The following ARHGAP6 variants were observed in gnomAD, a reference collection of about 807,000 sequenced individuals.
The protein encoded by ARHGAP6 is rho GTPase-activating protein 6.
ARHGAP6 carries 16 observed loss-of-function variants against 55.7 expected under a neutral mutation model. The observed-to-expected ratio is 0.29, with a 90% CI of 0.19 to 0.44. The LOEUF (loss-of-function observed/expected upper bound fraction) is 0.44. ARHGAP6 is among the 20% of genes least tolerant of loss of function. The probability of loss-of-function intolerance (pLI) is 1.00; values close to 1 mark genes in which losing one functional copy is unlikely to be tolerated. For synonymous variants in ARHGAP6, 382 were observed against 360.9 expected (o/e 1.06, Z -0.66); for missense variants, 698 against 808.9 (o/e 0.86, Z 1.66).
chrX:11,141,753 G>A (rs993934688), intron 12 of ARHGAP6, among the ~76,000 whole-genome samples: 5 of 112,025 alleles, frequency 4.5e-5, no homozygotes, highest in Non-Finnish European at 7.5e-5. Flanking sequence ...TATATTTGAC[G>A]CACTTCCCTG....
At chrX:11,480,579 T>C (rs2050446165) in intron 1 of ARHGAP6, among the ~76,000 whole-genome samples, 1 of 112,585 alleles carries the variant, frequency 8.9e-6, no homozygotes, top group Non-Finnish European at 1.9e-5. Context: ...CATTTAATTA[T>C]GCAGTTCAAA....
At chrX:11,373,642 T>G (rs2049170514) in intron 1 of ARHGAP6, among the ~76,000 whole-genome samples, 1 of 111,934 alleles carries the variant, frequency 8.9e-6, no homozygotes, top group African/African-American at 3.2e-5. Flanking sequence ...TAAGCAAAGG[T>G]CACATCTCAA....
intron 1 of ARHGAP6, among the ~76,000 whole-genome samples, chrX:11,594,356 T>C (rs1315939139): frequency 8.9e-6 from 1 of 112,281 alleles, no homozygotes; most frequent in East Asian, 2.8e-4. Context: ...CATTATATAA[T>C]AAATGCTATT....
chrX:11,263,984 A>C (rs1166936542), intron 1 of ARHGAP6, among the ~76,000 whole-genome samples: 1 of 111,073 alleles, frequency 9.0e-6, no homozygotes, highest in Non-Finnish European at 1.9e-5. Context: ...ATTCATTGTT[A>C]TTTTCTGTGG....
At position 11,156,532 on chromosome X, in the gene ARHGAP6, G is replaced by A; in HGVS notation, c.1904C>T (p.Ser635Leu). The A allele has an allele frequency of 8.3e-7, 1 of 1,202,576 alleles. No individual in the cohort carries two copies. Among genetic ancestry groups the A allele is most frequent in the South Asian group, 1.8e-5 (1 of 56,456 alleles). ...GATGGAACACTGGAATACTCACGATGATTGGGAAGCCTTTCTTCTGAGTAA... is the reference window on the plus strand; with the variant it reads ...GATGGAACACTGGAATACTCACGATAATTGGGAAGCCTTTCTTCTGAGTAA... ...DYLLRRKASQ[S>L]SSPDMLQSEV... is the part of the protein sequence containing the mutation. The change falls in exon 10 of 13, where the codon TCA becomes TTA. Residue 635 changes from serine to leucine, a missense_variant. Ser to Leu is a moderately radical substitution (Grantham distance 145, BLOSUM62 -2). Around this residue, in one of 3 missense-constraint regions of ARHGAP6, gnomAD observed 322 missense variants for 451.1 expected, o/e 0.71. Transcript: ENST00000337414.
chrX:11,206,078 G>A (rs966519689), intron 2 of ARHGAP6, among the ~76,000 whole-genome samples: 2 of 111,678 alleles, frequency 1.8e-5, no homozygotes, highest in Non-Finnish European at 3.8e-5. Flanking sequence ...CATGTCAAGG[G>A]GGAATCGTCC....
chrX:11,195,864 C>T (rs2046527996), intron 3 of ARHGAP6, among the ~76,000 whole-genome samples: 1 of 105,196 alleles, frequency 9.5e-6, no homozygotes, highest in African/African-American at 3.5e-5. Flanking sequence ...GCCTGTAATC[C>T]CAGCACTTTG....
At chrX:11,228,552 A>T (rs1285814052) in intron 2 of ARHGAP6, among the ~76,000 whole-genome samples, 1 of 111,905 alleles carries the variant, frequency 8.9e-6, no homozygotes, top group Non-Finnish European at 1.9e-5. Flanking sequence ...TTTGGTGAAG[A>T]AAGTGGTGAA....
rs73498726 is a variant in ARHGAP6, at chrX:11,376,571, C to A, written c.589-121864G>T. 6.4e-3 allele frequency among the ~76,000 whole-genome samples: 729 copies of A among 113,132 alleles called. 6 individuals carry two copies. The highest frequency in any genetic ancestry group is 0.022 in the African/African-American group (692 of 31,244). On this transcript the variant is annotated intron_variant, in intron 1 of 12. Coordinates refer to ENST00000337414, the MANE Select transcript of ARHGAP6 (RefSeq NM_013427.3). Reference sequence around the variant, plus strand: ...CACCTTGATTTTAGCCTAGTGAGATCTGTGTCAGAATTCTAGTCTACAGAA... The same window carrying A: ...CACCTTGATTTTAGCCTAGTGAGATATGTGTCAGAATTCTAGTCTACAGAA...
At chrX:11,226,141 C>CCTCCCCA (rs2047044722) in intron 2 of ARHGAP6, among the ~76,000 whole-genome samples, 1 of 93,733 alleles carries the variant, frequency 1.1e-5, no homozygotes. Context: ...CAATGCTATC[C>CCTCCCCA]CTCCCCCGAC....
chrX:11,417,597 G>A (rs1054339045), intron 1 of ARHGAP6, among the ~76,000 whole-genome samples: 1 of 111,680 alleles, frequency 9.0e-6, no homozygotes, highest in Non-Finnish European at 1.9e-5. Flanking sequence ...ACCATTGAGA[G>A]AAGCTAGATA....
intron 1 of ARHGAP6, among the ~76,000 whole-genome samples, chrX:11,423,348 C>T (rs761664393): frequency 3.5e-5 from 4 of 112,837 alleles, no homozygotes; most frequent in Non-Finnish European, 7.5e-5. Context: ...ATTGAATGTT[C>T]ATAGAGAACA....
At chrX:11,446,838 A>G (rs2050097298) in intron 1 of ARHGAP6, among the ~76,000 whole-genome samples, 1 of 112,067 alleles carries the variant, frequency 8.9e-6, no homozygotes, top group Admixed American at 9.5e-5. Flanking sequence ...ACTTCAGCCT[A>G]TCTTCTAAAT....
intron 1 of ARHGAP6, among the ~76,000 whole-genome samples, chrX:11,462,219 C>T (rs1466731084): frequency 8.9e-6 from 1 of 111,916 alleles, no homozygotes; most frequent in Non-Finnish European, 1.9e-5. Context: ...GAAAGTCCAA[C>T]TTGTGAAATC....
chrX:11,658,255 TG>T (rs757058669), intron 1 of ARHGAP6, among the ~76,000 whole-genome samples: 1 of 111,825 alleles, frequency 8.9e-6, no homozygotes, highest in Non-Finnish European at 1.9e-5. Context: ...CTCAAAATGT[TG>T]GTGAAAACTC....
chrX:11,537,325 A>C (rs1435743468), intron 1 of ARHGAP6, among the ~76,000 whole-genome samples: 3 of 111,979 alleles, frequency 2.7e-5, no homozygotes, highest in Non-Finnish European at 3.8e-5. Context: ...ACTGGTATCA[A>C]GTGGGCAGAG....
intron 1 of ARHGAP6, among the ~76,000 whole-genome samples, chrX:11,620,365 C>T (rs1415242799): frequency 1.8e-5 from 2 of 112,063 alleles, no homozygotes; most frequent in African/African-American, 6.5e-5. Context: ...CCCCATTGCT[C>T]GAAACATGCA....
At chrX:11,518,472 T>TC (rs1165121337) in intron 1 of ARHGAP6, among the ~76,000 whole-genome samples, 2 of 101,371 alleles carry the variant, frequency 2.0e-5, no homozygotes, top group Non-Finnish European at 2.0e-5. Context: ...CTTTTTTTTT[T>TC]TTTTTTTTGA....
At chrX:11,211,332 C>A (rs1341118522) in intron 2 of ARHGAP6, among the ~76,000 whole-genome samples, 3 of 106,776 alleles carry the variant, frequency 2.8e-5, no homozygotes, top group Non-Finnish European at 5.8e-5. Context: ...CGCCATTCTC[C>A]TGCCTCAGCC....
Sources: allele counts gnomAD v4.1 joint callset (sites outside exome capture counted in the v4.1 genomes callset), GRCh38; gene constraint gnomAD v4.1.1; regional missense constraint gnomAD v4.1.1; transcripts MANE v1.5; gene names NCBI Gene and HGNC (gene_info 2026-07-23, HGNC 2026-07-21).